Variants in ADD2 observed in about 807,000 individuals in gnomAD.
The protein encoded by ADD2 is beta-adducin.
Under a neutral mutation model 83.0 loss-of-function variants are expected in ADD2, and 23 were observed. The ratio of observed to expected loss-of-function variants is 0.28; its 90% CI spans 0.20 to 0.39. ADD2 has a LOEUF of 0.39. ADD2 is among the 10% of genes least tolerant of loss of function. ADD2 has a pLI of 1.00. For synonymous variants in ADD2, 375 were observed against 375.4 expected (o/e 1.00, Z 0.01); for missense variants, 758 against 944.9 (o/e 0.80, Z 2.59).
At chr2:70,698,037 A>C (rs1671397800) in intron 4 of ADD2, among the ~76,000 whole-genome samples, 1 of 152,216 alleles carries the variant, frequency 6.6e-6, no homozygotes, top group East Asian at 1.9e-4. Context: ...CCAGTTTGGG[A>C]TTGCCTCCTC....
chr2:70,714,557 C>T (rs1672365820), intron 1 of ADD2, among the ~76,000 whole-genome samples: 1 of 152,264 alleles, frequency 6.6e-6, no homozygotes, highest in African/African-American at 2.4e-5. Context: ...GCTCGCCCAT[C>T]TACTTAGGAA....
chr2:70,718,913 C>T (rs781945241), intron 1 of ADD2, among the ~76,000 whole-genome samples: 1 of 152,192 alleles, frequency 6.6e-6, no homozygotes, highest in Non-Finnish European at 1.5e-5. Flanking sequence ...GGCCAGAGCC[C>T]AATTTCTATA....
At chr2:70,729,797 G>C (rs1641669683) in intron 1 of ADD2, among the ~76,000 whole-genome samples, 2 of 152,274 alleles carry the variant, frequency 1.3e-5, no homozygotes, top group South Asian at 2.1e-4. Flanking sequence ...TTGTTTCTGA[G>C]AGATGGAGAT....
At chr2:70,709,995 G>T (rs1429639316) in intron 2 of ADD2, among the ~76,000 whole-genome samples, 3 of 152,204 alleles carry the variant, frequency 2.0e-5, no homozygotes, top group African/African-American at 7.2e-5. Flanking sequence ...AGGCAGCACG[G>T]CAGAACAAAA....
chr2:70,705,050 G>T (rs890541629), intron 3 of ADD2, among the ~76,000 whole-genome samples: 1 of 152,086 alleles, frequency 6.6e-6, no homozygotes. Flanking sequence ...GGCCACTTAG[G>T]TGTGTTGGCC....
At chr2:70,733,895 G>T (rs1344604208) in intron 1 of ADD2, among the ~76,000 whole-genome samples, 1 of 152,148 alleles carries the variant, frequency 6.6e-6, no homozygotes, top group Non-Finnish European at 1.5e-5. Context: ...AAGTCCCAGT[G>T]CTTTCCACAG....
At chr2:70,683,805 C>T in intron 9 of ADD2, 38 bp from the exon 10 acceptor site, 1 of 1,587,264 alleles carries the variant, frequency 6.3e-7, no homozygotes, top group Non-Finnish European at 8.6e-7. Context: ...CCCATGTGCA[C>T]ATGGGTACCC....
rs938922607 is a variant in ADD2, at chr2:70,758,293, T to C, written c.-154+9593A>G. On this transcript the variant is annotated intron_variant, in intron 1 of 15. Coordinates refer to ENST00000264436, the MANE Select transcript of ADD2 (RefSeq NM_001617.4). ...TCCATGCTGCTCCATATGTCATTTC[T>C]AGCTTTGTGAATTTTTTTGCCTTTG... Among the ~76,000 whole-genome samples the C allele has an allele frequency of 5.9e-5, 9 of 152,250 alleles. No homozygotes were observed. The East Asian group carries it at 1.7e-3, about 29-fold the overall frequency.
At position 70,659,776 on chromosome 2, in the gene ADD2, A is replaced by G. The variant is rs1553364710; in HGVS notation, c.*3649T>C. ...CACACCACTGTTGGGTGCAGCCAACACTACGCAAGGAGCCGTTGGAGCCAA... is the reference window on the plus strand; with the variant it reads ...CACACCACTGTTGGGTGCAGCCAACGCTACGCAAGGAGCCGTTGGAGCCAA... On this transcript the variant is annotated 3_prime_UTR_variant, in exon 16 of 16. Coordinates refer to ENST00000264436, the MANE Select transcript of ADD2 (RefSeq NM_001617.4). 1 of 152,202 alleles carries G rather than the reference A, an allele frequency of 6.6e-6. No individual in the cohort carries two copies. The highest frequency in any genetic ancestry group is 1.5e-5 in the Non-Finnish European group (1 of 68,046). 9.4% of individuals were successfully genotyped at this position (152,202 alleles called of 1,614,324 possible). A position where few individuals can be genotyped will look rare whatever the true frequency, so the allele number is the denominator to read the frequency against.
intron 1 of ADD2, among the ~76,000 whole-genome samples, chr2:70,753,666 A>T (rs568684346): frequency 1.2e-4 from 18 of 152,258 alleles, no homozygotes; most frequent in African/African-American, 4.3e-4. Flanking sequence ...AGGCACCCAG[A>T]AAGGTGGGTG....
At chr2:70,763,218 C>T (rs1278724240) in intron 1 of ADD2, among the ~76,000 whole-genome samples, 3 of 151,820 alleles carry the variant, frequency 2.0e-5, no homozygotes, top group Admixed American at 6.6e-5. Flanking sequence ...GAAGACAGAC[C>T]GGGATGAAAT....
At position 70,717,367 on chromosome 2, in the gene ADD2, C is replaced by T. The variant is rs142290022; in HGVS notation, c.-153-4183G>A. ...GGTCTACAAGGGGAGTAATAGATGC[C>T]CGAGTTGTCTGACTTTTTGTTAAAA... On this transcript the variant is annotated intron_variant, in intron 1 of 15. Transcript: ENST00000264436. Among the ~76,000 whole-genome samples the T allele has an allele frequency of 4.5e-3, 683 of 152,190 alleles. 4 individuals are homozygous for T. Among genetic ancestry groups the T allele is most frequent in the African/African-American group, 0.015 (638 of 41,510 alleles).
Position 70,674,788 on chromosome 2 carries a change from T to A in ADD2, c.1631A>T (p.Asp544Val). Residue 544 changes from aspartate (D) to valine (V), a missense_variant, in exon 14 of 16, where the codon GAT becomes GTT. By Grantham distance (152) the Asp-to-Val change is radical. Around this residue, in one of 5 missense-constraint regions of ADD2, gnomAD observed 394 missense variants for 509.3 expected, o/e 0.77. Transcript: ENST00000264436. ...ESQLMSKGDE[D>V]TKDDSEETVP... ...CGTCTCCTCTGAATCGTCTTTGGTA[T>A]CCTCGTCTCCCTTGGACATCAGCTG... 1 of 1,614,114 alleles carries A rather than the reference T, an allele frequency of 6.2e-7. No homozygotes were observed. The highest frequency in any genetic ancestry group is 8.5e-7 in the Non-Finnish European group (1 of 1,179,984).
chr2:70,697,657 T>C (rs542378838), intron 4 of ADD2, among the ~76,000 whole-genome samples: 49 of 152,330 alleles, frequency 3.2e-4, no homozygotes, highest in African/African-American at 1.2e-3. Flanking sequence ...ACCACCTCTG[T>C]GAAACTTGCT....
chr2:70,685,643 A>T (rs1553370399), intron 9 of ADD2, among the ~76,000 whole-genome samples: 2 of 152,294 alleles, frequency 1.3e-5, no homozygotes, highest in East Asian at 3.9e-4. Flanking sequence ...ACCTTGTGAG[A>T]AGTCTTTAAG....
At chr2:70,664,673 G>A (rs1057222593) in intron 15 of ADD2, among the ~76,000 whole-genome samples, 2 of 152,184 alleles carry the variant, frequency 1.3e-5, no homozygotes, top group South Asian at 2.1e-4. Flanking sequence ...TTCTCACGAC[G>A]GGAACTGAAA....
chr2:70,689,857 T>C (rs1013215096), intron 8 of ADD2, among the ~76,000 whole-genome samples: 1 of 151,970 alleles, frequency 6.6e-6, no homozygotes, highest in Non-Finnish European at 1.5e-5. Context: ...AGTGGAAAAA[T>C]AAAGGCGACA....
intron 1 of ADD2, among the ~76,000 whole-genome samples, chr2:70,738,786 A>G (rs1673719549): frequency 6.6e-6 from 1 of 152,258 alleles, no homozygotes; most frequent in Admixed American, 6.5e-5. Flanking sequence ...AAAGAGATGT[A>G]TCTATGATCA....
Position 70,672,923 on chromosome 2 carries a change from C to T in ADD2, c.1825G>A (p.Ala609Thr), listed in dbSNP as rs138503054. 22 of 1,613,604 alleles carry T rather than the reference C, an allele frequency of 1.4e-5. No individual in the cohort carries two copies. In the African/African-American group the frequency reaches 2.9e-4, roughly 22 times the overall value. ...GAGACTAAAGGGCTCTTTGTCTCTG[C>T]CTCCTTCGCTGGGCTCTGCACTGGA... The part of the protein sequence containing the change: ...ASPVQSPAKE[A>T]ETKSPLVSPS... Residue 609 changes from alanine to threonine, a missense_variant, in exon 15 of 16, where the codon GCA (alanine) becomes ACA (threonine). This residue lies in a region of ADD2 where 165 missense variants were observed against 176.2 expected (regional missense o/e 0.94). Coordinates refer to ENST00000264436, the MANE Select transcript of ADD2 (RefSeq NM_001617.4).
Sources: gnomAD v4.1 joint callset for allele counts (sites outside exome capture counted in the v4.1 genomes callset) on GRCh38, gnomAD v4.1.1 for gene constraint, gnomAD v4.1.1 regional missense constraint, MANE v1.5 for transcripts, NCBI Gene and HGNC (gene_info 2026-07-23, HGNC 2026-07-21) for gene names.